The following ANKS1B variants were observed in gnomAD, a reference collection of about 807,000 sequenced individuals.
ANKS1B encodes ankyrin repeat and sterile alpha motif domain containing 1B.
ANKS1B carries 36 observed loss-of-function variants against 148.3 expected under a neutral mutation model. The observed-to-expected ratio is 0.24, with a 90% CI of 0.19 to 0.32. ANKS1B has a LOEUF of 0.32. Ranked by LOEUF, ANKS1B falls within the 10% of genes least tolerant of loss-of-function variation. ANKS1B has a pLI of 1.00. For synonymous variants in ANKS1B, 542 were observed against 560.8 expected, an observed-to-expected ratio of 0.97 and a Z score of 0.47; for missense variants, 1,157 against 1,542.6, an observed-to-expected ratio of 0.75 and a Z score of 4.19.
In ANKS1B at chr12:99,937,085, C is replaced by G. The variant is rs78980674; in HGVS notation, c.134+47019G>C. On this transcript the variant is annotated intron_variant, in intron 1 of 26. Transcript: ENST00000683438. ...TTGAACCTGTTATCAATACGCACAT[C>G]TGGAGTTCCCATCTCCTTCATGATG... Among the ~76,000 whole-genome samples the G allele has an allele frequency of 1.6e-3, 247 of 152,304 alleles. 9 individuals carry two copies. In the East Asian group the frequency reaches 0.04, roughly 25 times the overall value.
At chr12:99,287,864 G>T (rs1207899907) in intron 12 of ANKS1B, among the ~76,000 whole-genome samples, 1 of 152,038 alleles carries the variant, frequency 6.6e-6, no homozygotes, top group Non-Finnish European at 1.5e-5. Context: ...CAGAGTCATA[G>T]AAGACAAAAG....
In ANKS1B at chr12:98,933,234, T is replaced by C. The variant is rs183956885; in HGVS notation, c.2779-101098A>G. 2.6e-5 allele frequency among the ~76,000 whole-genome samples: 4 copies of C among 152,326 alleles called. No individual in the cohort carries two copies. The East Asian group carries it at 5.8e-4, about 22-fold the overall frequency. On this transcript the variant is annotated intron_variant, in intron 17 of 26. Coordinates refer to ENST00000683438, the MANE Select transcript of ANKS1B (RefSeq NM_001352186.2). Reference sequence around the variant, plus strand: ...CAGATGCCTTACACAAGTAGCATTATGTAGTATTTGAATTTCTGCGACTAA... The same window carrying C: ...CAGATGCCTTACACAAGTAGCATTACGTAGTATTTGAATTTCTGCGACTAA...
At chr12:99,630,941 G>A (rs2098153289) in intron 9 of ANKS1B, among the ~76,000 whole-genome samples, 1 of 152,102 alleles carries the variant, frequency 6.6e-6, no homozygotes, top group African/African-American at 2.4e-5. Flanking sequence ...TTGAATCATG[G>A]GAGCGGGTCT....
At chr12:99,618,570 T>G (rs1449520197) in intron 9 of ANKS1B, among the ~76,000 whole-genome samples, 6 of 151,886 alleles carry the variant, frequency 4.0e-5, no homozygotes, top group African/African-American at 1.5e-4. Flanking sequence ...CTGACAAAAA[T>G]GAGTGAAGCC....
At chr12:99,337,697 T>C (rs1251337989) in intron 12 of ANKS1B, among the ~76,000 whole-genome samples, 1 of 152,234 alleles carries the variant, frequency 6.6e-6, no homozygotes, top group Non-Finnish European at 1.5e-5. Flanking sequence ...CTTTGGTTAC[T>C]GCAGCCATAT....
intron 1 of ANKS1B, among the ~76,000 whole-genome samples, chr12:99,971,880 T>G (rs895324578): frequency 5.3e-5 from 8 of 152,230 alleles, no homozygotes; most frequent in Non-Finnish European, 1.0e-4. Flanking sequence ...AGAAATACTT[T>G]TAGTGCACAC....
chr12:99,668,045 T>C (rs2098518122), intron 8 of ANKS1B, among the ~76,000 whole-genome samples: 1 of 152,220 alleles, frequency 6.6e-6, no homozygotes. Flanking sequence ...GCTGACTTCA[T>C]ATAATAAATT....
At chr12:99,193,117 C>T (rs1273540600) in intron 14 of ANKS1B, among the ~76,000 whole-genome samples, 2 of 152,176 alleles carry the variant, frequency 1.3e-5, no homozygotes, top group African/African-American at 4.8e-5. Flanking sequence ...ATACCTTACA[C>T]CTGCAATAAA....
chr12:99,307,322 C>T (rs780690772), intron 12 of ANKS1B, among the ~76,000 whole-genome samples: 1 of 151,862 alleles, frequency 6.6e-6, no homozygotes, highest in Non-Finnish European at 1.5e-5. Flanking sequence ...GACAAAAACT[C>T]GACAAGTAGG....
chr12:99,868,647 TA>T (rs895848007), intron 1 of ANKS1B, among the ~76,000 whole-genome samples: 94 of 151,380 alleles, frequency 6.2e-4, no homozygotes, highest in Non-Finnish European at 1.2e-3. Context: ...TATCAGCAGT[TA>T]AAAAAAAAGT....
At chr12:99,005,608 G>A (rs923489255) in intron 17 of ANKS1B, among the ~76,000 whole-genome samples, 8 of 152,128 alleles carry the variant, frequency 5.3e-5, no homozygotes, top group Admixed American at 1.3e-4. Context: ...TTTCCCTCTC[G>A]ATTGCTTTAG....
chr12:99,793,112 A>G (rs919315119), intron 4 of ANKS1B, among the ~76,000 whole-genome samples: 3 of 152,030 alleles, frequency 2.0e-5, no homozygotes, highest in Admixed American at 1.3e-4. Flanking sequence ...ACATAAAACT[A>G]AATACCTAGG....
intron 17 of ANKS1B, among the ~76,000 whole-genome samples, chr12:98,881,239 A>C (rs2099707218): frequency 6.6e-6 from 1 of 152,194 alleles, no homozygotes; most frequent in Non-Finnish European, 1.5e-5. Context: ...CCTTCAGTCC[A>C]TAGTCAATAA....
At chr12:99,451,370 A>G (rs2095733069) in intron 10 of ANKS1B, among the ~76,000 whole-genome samples, 1 of 152,224 alleles carries the variant, frequency 6.6e-6, no homozygotes, top group South Asian at 2.1e-4. Flanking sequence ...TAAGTATACC[A>G]GGGACCATGA....
At chr12:99,311,802 G>C (rs923248482) in intron 12 of ANKS1B, among the ~76,000 whole-genome samples, 10 of 151,018 alleles carry the variant, frequency 6.6e-5, no homozygotes, top group Non-Finnish European at 1.0e-4. Context: ...GAAGGAAAGA[G>C]GAATGTGGTG....
intron 10 of ANKS1B, among the ~76,000 whole-genome samples, chr12:99,481,812 G>A (rs1178750784): frequency 6.6e-6 from 1 of 151,800 alleles, no homozygotes; most frequent in Non-Finnish European, 1.5e-5. Context: ...TTAGCTATTT[G>A]TATATCTCCT....
intron 10 of ANKS1B, among the ~76,000 whole-genome samples, chr12:99,496,075 A>G (rs931002438): frequency 3.3e-5 from 5 of 151,864 alleles, no homozygotes; most frequent in African/African-American, 7.3e-5. Flanking sequence ...TCCTTTTTTT[A>G]TCAGAGATCA....
chr12:99,845,902 T>C (rs1054650531), intron 1 of ANKS1B, among the ~76,000 whole-genome samples: 6 of 152,090 alleles, frequency 3.9e-5, no homozygotes, highest in Admixed American at 6.6e-5. Flanking sequence ...AGAACAATAT[T>C]GGTCTCTTTA....
chr12:98,864,010 G>T (rs17028852), intron 17 of ANKS1B, among the ~76,000 whole-genome samples: 2,235 of 152,158 alleles, frequency 0.015, 44 homozygotes, highest in East Asian at 0.059. Context: ...TGTGTCCTCA[G>T]TATTATTCAC....
Sources: gnomAD v4.1 joint callset for allele counts (sites outside exome capture counted in the v4.1 genomes callset) on GRCh38, gnomAD v4.1.1 for gene constraint, MANE v1.5 for transcripts, NCBI Gene and HGNC (gene_info 2026-07-23, HGNC 2026-07-21) for gene names.